SLC22A23: variants seen among roughly 807,000 people sequenced by gnomAD.
SLC22A23 encodes the protein solute carrier family 22 member 23.
In SLC22A23, 26 loss-of-function variants were observed where a neutral mutation model predicts 61.0. The ratio of observed to expected loss-of-function variants is 0.43; its 90% CI spans 0.31 to 0.59. The LOEUF (loss-of-function observed/expected upper bound fraction) is 0.59. SLC22A23 is among the 20% of genes least tolerant of loss of function. The probability of loss-of-function intolerance (pLI) is 0.11; values close to 1 mark genes in which losing one functional copy is unlikely to be tolerated. For synonymous variants in SLC22A23, 430 were observed against 413.9 expected, an observed-to-expected ratio of 1.04 and a Z score of -0.47; for missense variants, 796 against 934.7, an observed-to-expected ratio of 0.85 and a Z score of 1.94.
chr6:3,329,402 C>T lies in SLC22A23; in HGVS notation c.914-5400G>A, dbSNP rs1763459300. Among the ~76,000 whole-genome samples the T allele has an allele frequency of 6.6e-6, 1 of 152,168 alleles. No individual in the cohort carries two copies. Among genetic ancestry groups the T allele is most frequent in the Admixed American group, 6.5e-5 (1 of 15,282 alleles). ...TCTTGGGATTGCTAAGTGCTCCTGGCTTCTCTGAAATGAGAGTACAGGATT... is the reference window on the plus strand; with the variant it reads ...TCTTGGGATTGCTAAGTGCTCCTGGTTTCTCTGAAATGAGAGTACAGGATT... On this transcript the variant is annotated intron_variant, in intron 3 of 9. Transcript: ENST00000406686. The surrounding 1 kb of genome is among the most constrained non-coding windows in gnomAD (Gnocchi z 4.8).
intron 1 of SLC22A23, among the ~76,000 whole-genome samples, chr6:3,435,627 G>A (rs1227244468): frequency 6.6e-6 from 1 of 151,926 alleles, no homozygotes; most frequent in Non-Finnish European, 1.5e-5. Flanking sequence ...GAAGTGACAT[G>A]AGAACACACT....
At chr6:3,326,327 T>C (rs1561900077) in intron 3 of SLC22A23, among the ~76,000 whole-genome samples, 2 of 152,152 alleles carry the variant, frequency 1.3e-5, no homozygotes, top group Non-Finnish European at 2.9e-5. Flanking sequence ...CTGCCTGAAG[T>C]GTAGCGTGTG....
intron 1 of SLC22A23, among the ~76,000 whole-genome samples, chr6:3,431,376 C>T (rs62391793): frequency 0.16 from 24,093 of 152,188 alleles, 2,473 homozygotes; most frequent in East Asian, 0.35. Flanking sequence ...AAAAGGAGGA[C>T]CAAATTCCTA....
Position 3,416,799 on chromosome 6 carries a change from T to C in SLC22A23, c.655-944A>G, listed in dbSNP as rs774025571. Among the ~76,000 whole-genome samples the C allele has an allele frequency of 2.0e-5, 3 of 152,216 alleles. No homozygotes were observed. In the Middle Eastern group the frequency reaches 0.01, roughly 518 times the overall value. On this transcript the variant is annotated intron_variant, in intron 1 of 9. Coordinates refer to ENST00000406686, the MANE Select transcript of SLC22A23 (RefSeq NM_015482.2). Reference sequence around the variant, plus strand: ...GTCTGGACGCGCAACTCCAGGTCAGTGGAGACGGGGGTGGGGTGGTGCAGG... The same window carrying C: ...GTCTGGACGCGCAACTCCAGGTCAGCGGAGACGGGGGTGGGGTGGTGCAGG...
At chr6:3,403,728 C>T (rs1357508851) in intron 3 of SLC22A23, among the ~76,000 whole-genome samples, 2 of 152,172 alleles carry the variant, frequency 1.3e-5, no homozygotes, top group Non-Finnish European at 2.9e-5. Context: ...CTGAAGGAGG[C>T]TAATGGCTAA....
In SLC22A23 at chr6:3,269,290, C is replaced by T. The variant is rs894825040; in HGVS notation, c.*3765G>A. On this transcript the variant is annotated 3_prime_UTR_variant, in exon 10 of 10. Transcript: ENST00000406686. ...ACTCGAAGCAGAGTGAGAGGCCTCC[C>T]TCCACCCACCTCGGGGCGAGTGAAG... 2.6e-5 allele frequency: 4 copies of T among 152,358 alleles called. No homozygotes were observed. Among genetic ancestry groups the T allele is most frequent in the Non-Finnish European group, 5.9e-5 (4 of 68,054 alleles). The allele number at this position is 152,358 out of a possible 1,614,324, so 9.4% of individuals were successfully genotyped here.
intron 1 of SLC22A23, among the ~76,000 whole-genome samples, chr6:3,422,747 A>C (rs1770228607): frequency 1.3e-5 from 2 of 152,134 alleles, no homozygotes; most frequent in South Asian, 4.1e-4. Context: ...TTCTTTAATG[A>C]ATATTAATTG....
chr6:3,284,638 C>T (rs1376226066), intron 8 of SLC22A23, among the ~76,000 whole-genome samples: 2 of 152,188 alleles, frequency 1.3e-5, no homozygotes, highest in Non-Finnish European at 2.9e-5. Context: ...AGGTGCAGGG[C>T]GGCACTGTGC....
rs116278580 is a variant in SLC22A23, at chr6:3,318,664, T to C, written c.1082+5170A>G. On this transcript the variant is annotated intron_variant, in intron 4 of 9. Coordinates refer to ENST00000406686, the MANE Select transcript of SLC22A23 (RefSeq NM_015482.2). This position sits in a 1 kb window ranked among gnomAD's most constrained non-coding sequence, Gnocchi z 4.3. ...TGATCTTTCAATGGCAATTGTCTCC[T>C]GGCCTGCTGACCTCACTATACCTGG... 0.031 allele frequency among the ~76,000 whole-genome samples: 4,702 copies of C among 152,280 alleles called. 258 individuals carry two copies. Among genetic ancestry groups the C allele is most frequent in the African/African-American group, 0.11 (4,447 of 41,518 alleles).
intron 1 of SLC22A23, among the ~76,000 whole-genome samples, chr6:3,428,819 AC>A (rs1770671627): frequency 6.6e-6 from 1 of 152,222 alleles, no homozygotes; most frequent in East Asian, 1.9e-4. Context: ...TAAAAGGGTA[AC>A]AATAAGTGTT....
Position 3,456,097 on chromosome 6 carries a change from G to T in SLC22A23, c.463C>A (p.Leu155Ile), listed in dbSNP as rs765919420. The T allele has an allele frequency of 5.6e-5, 87 of 1,550,448 alleles. No homozygotes were observed. The highest frequency in any genetic ancestry group is 6.9e-5 in the Non-Finnish European group (79 of 1,146,662). The part of the protein sequence containing the change: ...RGGDMGNWTS[L>I]PTTPFATAPW... ...GCAGTGGCGAAGGGGGTGGTGGGGA[G>T]GCTGGTCCAGTTGCCCATGTCCCCG... The change falls in exon 1 of 10, where the codon CTC (leucine) becomes ATC (isoleucine). Residue 155 changes from leucine to isoleucine, a missense_variant. Leu to Ile is a conservative substitution (Grantham distance 5). Transcript: ENST00000406686. This position sits in a 1 kb window ranked among gnomAD's most constrained non-coding sequence, Gnocchi z 7.1.
At chr6:3,315,108 C>G (rs1272915607) in intron 4 of SLC22A23, among the ~76,000 whole-genome samples, 10 of 151,590 alleles carry the variant, frequency 6.6e-5, no homozygotes, top group Admixed American at 6.6e-4. Context: ...TAGGTGGGCT[C>G]GAGGTGAGAA....
At chr6:3,445,350 C>G (rs554341581) in intron 1 of SLC22A23, among the ~76,000 whole-genome samples, 14 of 152,296 alleles carry the variant, frequency 9.2e-5, no homozygotes, top group Non-Finnish European at 2.1e-4. Context: ...AGGCACGCAC[C>G]ACCATACCCA....
At chr6:3,428,967 T>C (rs1177168822) in intron 1 of SLC22A23, among the ~76,000 whole-genome samples, 1 of 110,172 alleles carries the variant, frequency 9.1e-6, no homozygotes, top group African/African-American at 2.7e-5. Context: ...GGGGGCTCTG[T>C]AGCCCCCTCT....
At chr6:3,279,534 A>AAAAAAAAAAAAAAAAAAAAAAAAAAC (rs1759238383) in intron 9 of SLC22A23, among the ~76,000 whole-genome samples, 1 of 147,032 alleles carries the variant, frequency 6.8e-6, no homozygotes. Context: ...AAAAAAAAAA[A>AAAAAAAAAAAAAAAAAAAAAAAAAAC]AATCCTTGAC....
Position 3,299,998 on chromosome 6 carries a change from C to CTTTTTTTTTTTT in SLC22A23, c.1083-1792_1083-1781dup, listed in dbSNP as rs869114176. ...ACCTGCTTTGCAAGCTCAGGATAGA[C>CTTTTTTTTTTTT]TTTTTTTTTTTTTTTTTTTTTTTTT... On this transcript the variant is annotated intron_variant, in intron 4 of 9. Transcript: ENST00000406686. 2.5e-4 allele frequency among the ~76,000 whole-genome samples: 20 copies of CTTTTTTTTTTTT among 78,804 alleles called. 5 individuals carry two copies. The East Asian group carries it at 5.6e-3, about 22-fold the overall frequency. The allele number at this position is 78,804 out of a possible 152,430, so 51.7% of individuals were successfully genotyped here.
intron 1 of SLC22A23, among the ~76,000 whole-genome samples, chr6:3,419,124 A>G (rs140286741): frequency 2.8e-4 from 42 of 152,334 alleles, no homozygotes; most frequent in Middle Eastern, 3.4e-3. Flanking sequence ...AAAGAAATAT[A>G]TAACAGGAGT....
chr6:3,371,990 T>G (rs1766247959), intron 3 of SLC22A23, among the ~76,000 whole-genome samples: 1 of 152,146 alleles, frequency 6.6e-6, no homozygotes, highest in Non-Finnish European at 1.5e-5. Context: ...CAATACAATA[T>G]GGTATCTTCT....
intron 3 of SLC22A23, among the ~76,000 whole-genome samples, chr6:3,354,740 T>C (rs2149440): frequency 0.77 from 117,913 of 152,200 alleles, 46,056 homozygotes; most frequent in East Asian, 0.86. Flanking sequence ...TCTTACTAAT[T>C]AATCAAATAG....
Sources: allele counts gnomAD v4.1 joint callset (sites outside exome capture counted in the v4.1 genomes callset), GRCh38; gene constraint gnomAD v4.1.1; non-coding constraint Gnocchi (gnomAD v3.1); transcripts MANE v1.5; gene names NCBI Gene and HGNC (gene_info 2026-07-23, HGNC 2026-07-21).